Variants in PACRG observed in about 807,000 individuals in gnomAD.
PACRG encodes the protein parkin coregulated gene protein.
A neutral mutation model predicts 29.7 loss-of-function variants in PACRG; 29 were observed. The ratio of observed to expected loss-of-function variants is 0.98; its 90% CI spans 0.73 to 1.33. The LOEUF is 1.33. Among genes scored for constraint, PACRG ranks in the 40% most tolerant of loss-of-function variants. The pLI is 0.00. For missense variants in PACRG, 279 were observed against 316.2 expected, an observed-to-expected ratio of 0.88 and a Z score of 0.89; for synonymous variants, 116 against 118.7, an observed-to-expected ratio of 0.98 and a Z score of 0.15.
chr6:163,055,291 ATAT>A lies in PACRG; in HGVS notation c.292-6853_292-6851del, dbSNP rs1810462970. 6.6e-6 allele frequency among the ~76,000 whole-genome samples: 1 copy of A among 152,116 alleles called. No individual in the cohort carries two copies. Among genetic ancestry groups the A allele is most frequent in the African/African-American group, 2.4e-5 (1 of 41,414 alleles). The stretch of plus-strand genomic sequence containing the variant: ...AAAAGTACTTAAAGAGAAGTCAGAT[ATAT>A]TATTAAGACACACACATGCACACAT... On this transcript the variant is annotated intron_variant, in intron 2 of 4. Coordinates refer to ENST00000366888, the MANE Select transcript of PACRG (RefSeq NM_001080379.2). This position sits in a 1 kb window ranked among gnomAD's most constrained non-coding sequence, Gnocchi z 4.0.
At chr6:163,156,475 G>C (rs2747689) in intron 4 of PACRG, among the ~76,000 whole-genome samples, 72,487 of 151,682 alleles carry the variant, frequency 0.48, 17,748 homozygotes, top group African/African-American at 0.6. Flanking sequence ...CCCTACGACC[G>C]CCACGCCCCA....
Position 163,315,066 on chromosome 6 carries a change from T to C in PACRG, c.*79T>C. The C allele has an allele frequency of 6.8e-7, 1 of 1,479,596 alleles. No individual in the cohort carries two copies. Among genetic ancestry groups the C allele is most frequent in the Admixed American group, 2.0e-5 (1 of 51,180 alleles). The allele number at this position is 1,479,596 out of a possible 1,614,324, so 91.7% of individuals were successfully genotyped here. On this transcript the variant is annotated 3_prime_UTR_variant, in exon 5 of 5. Coordinates refer to ENST00000366888, the MANE Select transcript of PACRG (RefSeq NM_001080379.2). ...TCTGTTGCTTTTAGCATCTCATTCC[T>C]TGTGACTTCCACAGCTTTCTTTTCT...
chr6:163,264,538 G>A (rs911766049), intron 4 of PACRG, among the ~76,000 whole-genome samples: 4 of 152,178 alleles, frequency 2.6e-5, no homozygotes, highest in Non-Finnish European at 4.4e-5. Context: ...GCGACAGAGC[G>A]GTCACAGGTG....
intron 3 of PACRG, among the ~76,000 whole-genome samples, chr6:163,077,259 A>G (rs979258797): frequency 1.3e-4 from 20 of 152,166 alleles, no homozygotes; most frequent in Admixed American, 1.3e-3. Context: ...GCAGCAACAT[A>G]CTTTTGTGAG....
intron 4 of PACRG, among the ~76,000 whole-genome samples, chr6:163,220,404 T>C (rs375971683): frequency 6.6e-5 from 10 of 152,120 alleles, no homozygotes; most frequent in African/African-American, 2.2e-4. Flanking sequence ...CGGGGGCAAG[T>C]GGGGCTGAGA....
intron 2 of PACRG, among the ~76,000 whole-genome samples, chr6:162,996,204 G>A (rs548323933): frequency 6.6e-6 from 1 of 152,204 alleles, no homozygotes; most frequent in East Asian, 1.9e-4. Context: ...TGTTTATTAG[G>A]TTGATTGTGG....
chr6:163,042,267 G>T (rs922612814), intron 2 of PACRG, among the ~76,000 whole-genome samples: 1 of 152,226 alleles, frequency 6.6e-6, no homozygotes, highest in Non-Finnish European at 1.5e-5. Flanking sequence ...AGAGCCAGGA[G>T]CAAGGGGAAT....
chr6:162,941,541 C>G (rs554739774), intron 2 of PACRG, among the ~76,000 whole-genome samples: 1 of 152,302 alleles, frequency 6.6e-6, no homozygotes, highest in African/African-American at 2.4e-5. Flanking sequence ...CACAATTCAC[C>G]TGCATTTTCC....
chr6:162,931,703 A>G (rs1162481015), intron 2 of PACRG, among the ~76,000 whole-genome samples: 1 of 152,028 alleles, frequency 6.6e-6, no homozygotes, highest in Non-Finnish European at 1.5e-5. Context: ...TTAAAATAAC[A>G]GTGATACCAC....
intron 1 of PACRG, among the ~76,000 whole-genome samples, chr6:162,761,276 C>T (rs976700386): frequency 6.6e-6 from 1 of 152,178 alleles, no homozygotes; most frequent in African/African-American, 2.4e-5. Flanking sequence ...CAGTGCTAAA[C>T]AAAATGCCAT....
chr6:162,980,327 T>G (rs1460405264), intron 2 of PACRG, among the ~76,000 whole-genome samples: 1 of 152,136 alleles, frequency 6.6e-6, no homozygotes, highest in Non-Finnish European at 1.5e-5. Context: ...TTTTACCTAG[T>G]CTCTTAAAAA....
intron 4 of PACRG, among the ~76,000 whole-genome samples, chr6:163,203,702 C>T (rs764862016): frequency 2.9e-4 from 44 of 152,182 alleles, no homozygotes; most frequent in Non-Finnish European, 5.7e-4. Flanking sequence ...CATGGTGTCA[C>T]CAGCTCATCA....
chr6:163,301,514 G>A (rs955254520), intron 4 of PACRG, among the ~76,000 whole-genome samples: 6 of 152,188 alleles, frequency 3.9e-5, no homozygotes, highest in African/African-American at 1.4e-4. Context: ...CAAAGATGAG[G>A]GCTCCAAGTT....
intron 4 of PACRG, among the ~76,000 whole-genome samples, chr6:163,171,342 G>T (rs1779074212): frequency 2.0e-5 from 3 of 152,196 alleles, no homozygotes; most frequent in Non-Finnish European, 4.4e-5. Flanking sequence ...AGAAGAGCTG[G>T]CATTGACTGA....
intron 2 of PACRG, among the ~76,000 whole-genome samples, chr6:162,970,935 T>C (rs1801479104): frequency 6.6e-6 from 1 of 152,238 alleles, no homozygotes; most frequent in African/African-American, 2.4e-5. Context: ...CCATGGGTTG[T>C]GTAAATACAT....
intron 2 of PACRG, among the ~76,000 whole-genome samples, chr6:163,034,976 G>C (rs1808023816): frequency 1.3e-5 from 2 of 152,182 alleles, no homozygotes; most frequent in Admixed American, 6.5e-5. Flanking sequence ...TGCTAACAAG[G>C]CGTGGATTAT....
At chr6:163,170,412 A>C (rs1779017368) in intron 4 of PACRG, 1 of 152,048 alleles carries the variant, frequency 6.6e-6, no homozygotes, top group South Asian at 2.1e-4. Context: ...ACCCCTGCTG[A>C]ACATCAGATT....
At chr6:163,002,916 G>A (rs1324684938) in intron 2 of PACRG, among the ~76,000 whole-genome samples, 1 of 152,082 alleles carries the variant, frequency 6.6e-6, no homozygotes, top group Non-Finnish European at 1.5e-5. Context: ...ATAAACCTGT[G>A]CAATTATTTT....
chr6:162,750,021 A>G (rs1266414628), intron 1 of PACRG, among the ~76,000 whole-genome samples: 1 of 152,118 alleles, frequency 6.6e-6, no homozygotes, highest in East Asian at 1.9e-4. Flanking sequence ...ATTTGCATTC[A>G]CTGTCTCCAT....
Sources: gnomAD v4.1 joint callset for allele counts (sites outside exome capture counted in the v4.1 genomes callset) on GRCh38, gnomAD v4.1.1 for gene constraint, Gnocchi (gnomAD v3.1) non-coding constraint, MANE v1.5 for transcripts, NCBI Gene and HGNC (gene_info 2026-07-23, HGNC 2026-07-21) for gene names.